NPIPB13: variants seen among roughly 807,000 people sequenced by gnomAD.
NPIPB13 encodes the protein nuclear pore complex-interacting protein family member B13.
At chr16:30,226,667 C>A (rs2073531388) in intron 7 of NPIPB13, 1 of 380,740 alleles carries the variant, frequency 2.6e-6, no homozygotes, top group Non-Finnish European at 4.0e-6. Flanking sequence ...TGTAAGTGCA[C>A]TAGGACATAA....
At chr16:30,244,499 G>A (rs1483762013) in intron 2 of NPIPB13, among the ~76,000 whole-genome samples, 2 of 116,094 alleles carry the variant, frequency 1.7e-5, no homozygotes, top group Admixed American at 8.6e-5. Flanking sequence ...GTGTGTGTGT[G>A]TGTGTGTGTG....
At chr16:30,232,458 CTT>C (rs2073559040) in intron 3 of NPIPB13, among the ~76,000 whole-genome samples, 2 of 141,886 alleles carry the variant, frequency 1.4e-5, no homozygotes, top group Non-Finnish European at 3.1e-5. Flanking sequence ...AATTGAAACT[CTT>C]GTCTCAAAAA....
At chr16:30,232,413 G>A (rs1178125921) in intron 3 of NPIPB13, among the ~76,000 whole-genome samples, 2 of 141,174 alleles carry the variant, frequency 1.4e-5, no homozygotes, top group Admixed American at 1.4e-4. Flanking sequence ...GTGGTGAGCT[G>A]AGATTGTGCC....
chr16:30,232,473 A>T (rs1310834459), intron 3 of NPIPB13, among the ~76,000 whole-genome samples: 1 of 147,792 alleles, frequency 6.8e-6, no homozygotes, highest in Non-Finnish European at 1.5e-5. Flanking sequence ...CTCAAAAAAA[A>T]AAAAAAAAAA....
At chr16:30,246,361 T>C, upstream of NPIPB13, among the ~76,000 whole-genome samples, 1 of 151,708 alleles carries the variant, frequency 6.6e-6, no homozygotes, top group Non-Finnish European at 1.5e-5. Context: ...CCTTAGAGTG[T>C]AAGTACACAT....
chr16:30,244,564 GATC>G lies in NPIPB13; in HGVS notation c.120+887_120+889del, dbSNP rs2073602978. Among the ~76,000 whole-genome samples the G allele has an allele frequency of 2.5e-4, 21 of 82,990 alleles. No individual in the cohort carries two copies. In the Admixed American group the frequency reaches 2.6e-3, roughly 10 times the overall value. The allele number at this position is 82,990 out of a possible 152,430, so 54.4% of individuals were successfully genotyped here. A position where few individuals can be genotyped will look rare whatever the true frequency, so the allele number is the denominator to read the frequency against. On this transcript the variant is annotated intron_variant, in intron 2 of 7. Coordinates refer to ENST00000520915, the Ensembl canonical transcript of NPIPB13. ...ATCTATATAAATCTCAAAAATAAAAGATCATTTTTGAGATTATCATTTTAAAAG... is the reference window on the plus strand; with the variant it reads ...ATCTATATAAATCTCAAAAATAAAAGATTTTTGAGATTATCATTTTAAAAG...
intron 2 of NPIPB13, among the ~76,000 whole-genome samples, chr16:30,238,461 C>CTGTCTCAA (rs2073581915): frequency 3.1e-5 from 2 of 65,416 alleles, no homozygotes; most frequent in African/African-American, 7.3e-5. Context: ...ATCACGAGGT[C>CTGTCTCAA]AAGAGATGGA....
rs1269451275 is a variant in NPIPB13 at position 30,236,230 on chromosome 16, TTTTTTG to T, written c.121-657_121-652del. On this transcript the variant is annotated intron_variant, in intron 2 of 7. Coordinates refer to ENST00000520915, the Ensembl canonical transcript of NPIPB13. ...GGTGTGAGCCACCGTGCCCAGCCAT[TTTTTTG>T]TTTTTGTTTTTGTTTGTTATTTTTG... is the stretch of plus-strand genomic sequence containing the variant. Among the ~76,000 whole-genome samples, 28 of 83,516 alleles carry T rather than the reference TTTTTTG, an allele frequency of 3.4e-4. No homozygotes were observed. The South Asian group carries it at 3.4e-3, about 10-fold the overall frequency. The allele number at this position is 83,516 out of a possible 152,430, so 54.8% of individuals were successfully genotyped here.
intron 3 of NPIPB13, among the ~76,000 whole-genome samples, chr16:30,232,577 G>C: frequency 1.3e-5 from 1 of 76,138 alleles, no homozygotes; most frequent in East Asian, 3.8e-4. Context: ...ACCATCCTGG[G>C]CAACATGGTG....
intron 2 of NPIPB13, among the ~76,000 whole-genome samples, chr16:30,236,238 TTTTG>T (rs2073569802): frequency 2.2e-5 from 2 of 92,474 alleles, no homozygotes; most frequent in African/African-American, 7.6e-5. Flanking sequence ...ATTTTTTTGT[TTTTG>T]TTTTTGTTTG....
At chr16:30,241,220 T>C (rs1464015714) in intron 2 of NPIPB13, among the ~76,000 whole-genome samples, 71 of 58,054 alleles carry the variant, frequency 1.2e-3, no homozygotes, top group East Asian at 2.0e-3. Flanking sequence ...GAGGCCGAGG[T>C]GGGCGGATCA....
In NPIPB13 at chr16:30,232,553, G is replaced by C. The variant is rs867457136; in HGVS notation, c.250-706C>G. Reference sequence around the variant, plus strand: ...GAGGCCGAGGCAGGTGAATCACAAGGTCAAGAGATGGAGACCATCCTGGGC... The same window carrying C: ...GAGGCCGAGGCAGGTGAATCACAAGCTCAAGAGATGGAGACCATCCTGGGC... On this transcript the variant is annotated intron_variant, in intron 3 of 7. Transcript: ENST00000520915. Among the ~76,000 whole-genome samples, 105 of 90,730 alleles carry C rather than the reference G, an allele frequency of 1.2e-3. 1 individual carries two copies. The highest frequency in any genetic ancestry group is 3.4e-3 in the African/African-American group (104 of 30,490). 59.5% of individuals were successfully genotyped at this position (90,730 alleles called of 152,430 possible). A position where few individuals can be genotyped will look rare whatever the true frequency, so the allele number is the denominator to read the frequency against.
chr16:30,241,602 C>A (rs1230155621), intron 2 of NPIPB13, among the ~76,000 whole-genome samples: 1 of 36,378 alleles, frequency 2.7e-5, no homozygotes, highest in Non-Finnish European at 6.3e-5. Flanking sequence ...CTGAGGCAGG[C>A]GGATCACGAG....
In NPIPB13 at chr16:30,232,399, G is replaced by C. The variant is rs1180820218; in HGVS notation, c.250-552C>G. 5.0e-5 allele frequency among the ~76,000 whole-genome samples: 7 copies of C among 139,174 alleles called. No individual in the cohort carries two copies. In the East Asian group the frequency reaches 1.5e-3, roughly 29 times the overall value. 91.3% of individuals were successfully genotyped at this position (139,174 alleles called of 152,430 possible). A position where few individuals can be genotyped will look rare whatever the true frequency, so the allele number is the denominator to read the frequency against. ...GAATCACTTGAACCCAGCAGGAAAA[G>C]CTTGTGGTGAGCTGAGATTGTGCCA... is the stretch of plus-strand genomic sequence containing the variant. On this transcript the variant is annotated intron_variant, in intron 3 of 7. Coordinates refer to ENST00000520915, the Ensembl canonical transcript of NPIPB13.
At chr16:30,232,889 TGAAAA>T (rs1658345356) in intron 3 of NPIPB13, among the ~76,000 whole-genome samples, 1 of 18,076 alleles carries the variant, frequency 5.5e-5, no homozygotes, top group African/African-American at 1.3e-4. Context: ...TTTCACAACT[TGAAAA>T]GGAAGTAATT....
chr16:30,243,992 TAC>T lies in NPIPB13; in HGVS notation c.120+1460_120+1461del, dbSNP rs1179076734. 6.5e-5 allele frequency among the ~76,000 whole-genome samples: 9 copies of T among 138,490 alleles called. No individual in the cohort carries two copies. In the South Asian group the frequency reaches 2.2e-3, roughly 34 times the overall value. The allele number at this position is 138,490 out of a possible 152,430, so 90.9% of individuals were successfully genotyped here. A position where few individuals can be genotyped will look rare whatever the true frequency, so the allele number is the denominator to read the frequency against. ...CCCAGGGCCTGGCACACACAGTGAG[TAC>T]ACAATGTTAGCCAGGTAGCTTCATA... On this transcript the variant is annotated intron_variant, in intron 2 of 7. Transcript: ENST00000520915.
chr16:30,244,483 A>ATGTGTGTGTGTGTG (rs71259255), intron 2 of NPIPB13, among the ~76,000 whole-genome samples: 5 of 89,422 alleles, frequency 5.6e-5, no homozygotes, highest in South Asian at 4.8e-4. Context: ...CAAAAAATAT[A>ATGTGTGTGTGTGTG]TGTGTGTGTG....
chr16:30,232,545 A>C (rs1270826065), intron 3 of NPIPB13, among the ~76,000 whole-genome samples: 1 of 96,322 alleles, frequency 1.0e-5, no homozygotes, highest in African/African-American at 3.1e-5. Context: ...AGGCAGGTGA[A>C]TCACAAGGTC....
chr16:30,230,479 C>T (rs1043483120), intron 5 of NPIPB13, among the ~76,000 whole-genome samples: 2 of 38,812 alleles, frequency 5.2e-5, no homozygotes, highest in African/African-American at 1.1e-4. Flanking sequence ...CCGAGGTGTG[C>T]GGATCATGAT....
Sources: gnomAD v4.1 joint callset for allele counts (sites outside exome capture counted in the v4.1 genomes callset) on GRCh38, gnomAD v4.1.1 for gene constraint, MANE v1.5 for transcripts, NCBI Gene and HGNC (gene_info 2026-07-23, HGNC 2026-07-21) for gene names.